The following CRPPA variants were observed in gnomAD, a reference collection of about 807,000 sequenced individuals.
The protein encoded by CRPPA is CDP-L-ribitol pyrophosphorylase A.
A neutral mutation model predicts 52.0 loss-of-function variants in CRPPA; 43 were observed. The observed-to-expected ratio is 0.83, with a 90% CI of 0.65 to 1.07. The LOEUF is 1.07. Among genes scored for constraint, CRPPA ranks in the 50% least tolerant of loss-of-function variants. The pLI is 0.00. For missense variants in CRPPA, 629 were observed against 551.7 expected, an observed-to-expected ratio of 1.14 and a Z score of -1.40; for synonymous variants, 250 against 203.5, an observed-to-expected ratio of 1.23 and a Z score of -1.94.
chr7:16,285,643 A>G (rs1273968207), intron 5 of CRPPA, among the ~76,000 whole-genome samples: 3 of 152,138 alleles, frequency 2.0e-5, no homozygotes, highest in African/African-American at 7.2e-5. Flanking sequence ...CGTAAGCACT[A>G]GTTAAGAAGC....
chr7:16,327,980 T>A (rs1785457037), intron 3 of CRPPA, among the ~76,000 whole-genome samples: 1 of 152,216 alleles, frequency 6.6e-6, no homozygotes, highest in African/African-American at 2.4e-5. Context: ...AAACCCTCCA[T>A]GATTTTACTT....
chr7:16,376,481 C>A (rs2128312129), intron 2 of CRPPA, among the ~76,000 whole-genome samples: 2 of 152,074 alleles, frequency 1.3e-5, no homozygotes. Flanking sequence ...GTTCAAAATC[C>A]TTCTGATCAC....
At chr7:16,124,446 C>G (rs1417082956) in intron 9 of CRPPA, among the ~76,000 whole-genome samples, 1 of 151,954 alleles carries the variant, frequency 6.6e-6, no homozygotes, top group Non-Finnish European at 1.5e-5. Context: ...CATGGATGAT[C>G]CTGGAGAATA....
chr7:16,366,732 A>C (rs944387018), intron 3 of CRPPA, among the ~76,000 whole-genome samples: 3 of 151,774 alleles, frequency 2.0e-5, no homozygotes, highest in Middle Eastern at 3.2e-3. Context: ...TGACATGACT[A>C]TATGAACCTA....
At chr7:16,321,594 G>A (rs1785266634) in intron 3 of CRPPA, among the ~76,000 whole-genome samples, 2 of 152,098 alleles carry the variant, frequency 1.3e-5, no homozygotes, top group African/African-American at 4.8e-5. Flanking sequence ...AAGAAATATA[G>A]GGAAGGGAGG....
At chr7:16,234,837 C>G (rs1782900662) in intron 8 of CRPPA, among the ~76,000 whole-genome samples, 2 of 152,086 alleles carry the variant, frequency 1.3e-5, no homozygotes, top group East Asian at 1.9e-4. Context: ...GGAAATGTCA[C>G]TCAAATTTTT....
rs571313694 is a variant in CRPPA, at chr7:16,094,239, G to C, written c.1252-2440C>G. 8.6e-4 allele frequency among the ~76,000 whole-genome samples: 131 copies of C among 152,170 alleles called. 1 individual carries two copies. Among genetic ancestry groups the C allele is most frequent in the African/African-American group, 2.8e-3 (117 of 41,534 alleles). Reference sequence around the variant, plus strand: ...ATCTATGTCATTCTACTGAACATTTGTTTTCCCTCTCTGCCTGAACTCATT... The same window carrying C: ...ATCTATGTCATTCTACTGAACATTTCTTTTCCCTCTCTGCCTGAACTCATT... On this transcript the variant is annotated intron_variant, in intron 9 of 9. Transcript: ENST00000407010.
At chr7:16,183,799 A>C (rs2128388389) in intron 9 of CRPPA, among the ~76,000 whole-genome samples, 1 of 152,254 alleles carries the variant, frequency 6.6e-6, no homozygotes, top group East Asian at 1.9e-4. Context: ...AGAAGCCAAT[A>C]AGGTTAGGTT....
At chr7:16,402,822 C>T (rs184438334) in intron 2 of CRPPA, among the ~76,000 whole-genome samples, 19 of 151,864 alleles carry the variant, frequency 1.3e-4, no homozygotes, top group Admixed American at 3.3e-4. Context: ...ATACAGTATA[C>T]ATAAGGTAAG....
chr7:16,282,033 G>C (rs1189042962), intron 5 of CRPPA, among the ~76,000 whole-genome samples: 1 of 151,930 alleles, frequency 6.6e-6, no homozygotes, highest in Non-Finnish European at 1.5e-5. Context: ...TTATATGTTT[G>C]TTTTCTAGTT....
chr7:16,395,862 A>G (rs971010289), intron 2 of CRPPA, among the ~76,000 whole-genome samples: 5 of 152,230 alleles, frequency 3.3e-5, no homozygotes, highest in Non-Finnish European at 7.3e-5. Context: ...AATTCATAGA[A>G]CGGAAACATA....
chr7:16,169,132 C>G (rs538267157), intron 9 of CRPPA, among the ~76,000 whole-genome samples: 1 of 152,296 alleles, frequency 6.6e-6, no homozygotes, highest in Admixed American at 6.5e-5. Flanking sequence ...TAAAAAATAT[C>G]ATGGAAATTA....
At chr7:16,399,801 T>A (rs1054259122) in intron 2 of CRPPA, among the ~76,000 whole-genome samples, 4 of 152,160 alleles carry the variant, frequency 2.6e-5, no homozygotes, top group Non-Finnish European at 4.4e-5. Flanking sequence ...GACCAACACG[T>A]GACTGACACT....
rs73681786 is a variant in CRPPA, at chr7:16,207,019, C to A, written c.1251+9047G>T. ...AAACAAAACCAAATGCCAAACATTA[C>A]ACACCTTTCTGATTCTCCGTGAAGA... On this transcript the variant is annotated intron_variant, in intron 9 of 9. Transcript: ENST00000407010. Among the ~76,000 whole-genome samples, 538 of 152,252 alleles carry A rather than the reference C, an allele frequency of 3.5e-3. 2 individuals are homozygous for A. The highest frequency in any genetic ancestry group is 0.012 in the African/African-American group (509 of 41,548).
chr7:16,387,563 A>T (rs1030708765), intron 2 of CRPPA, among the ~76,000 whole-genome samples: 13 of 151,866 alleles, frequency 8.6e-5, no homozygotes, highest in African/African-American at 2.2e-4. Flanking sequence ...GTCAAACTAA[A>T]TTTTTTTTTA....
At chr7:16,325,705 T>C (rs1785368400) in intron 3 of CRPPA, among the ~76,000 whole-genome samples, 1 of 152,134 alleles carries the variant, frequency 6.6e-6, no homozygotes, top group Non-Finnish European at 1.5e-5. Context: ...TCACAGGACA[T>C]TTAAAATCTC....
chr7:16,184,262 T>A (rs1383801447), intron 9 of CRPPA, among the ~76,000 whole-genome samples: 1 of 152,108 alleles, frequency 6.6e-6, no homozygotes, highest in African/African-American at 2.4e-5. Flanking sequence ...CATAGCAGTA[T>A]GAAAATGGAC....
At chr7:16,176,755 A>C (rs902414757) in intron 9 of CRPPA, among the ~76,000 whole-genome samples, 5 of 146,462 alleles carry the variant, frequency 3.4e-5, no homozygotes, top group Non-Finnish European at 6.1e-5. Context: ...TTATTCTCCT[A>C]AAGTTAAATG....
intron 1 of CRPPA, among the ~76,000 whole-genome samples, chr7:16,411,026 C>T (rs908239602): frequency 2.0e-5 from 3 of 152,154 alleles, no homozygotes; most frequent in Non-Finnish European, 4.4e-5. Flanking sequence ...GCTGCCAACT[C>T]ATAGAAAGCA....
Sources: gnomAD v4.1 joint callset for allele counts (sites outside exome capture counted in the v4.1 genomes callset) on GRCh38, gnomAD v4.1.1 for gene constraint, MANE v1.5 for transcripts, NCBI Gene and HGNC (gene_info 2026-07-23, HGNC 2026-07-21) for gene names.